Variants in WNT7B observed in about 807,000 individuals in gnomAD.
The protein encoded by WNT7B is protein Wnt-7b.
Under a neutral mutation model 38.2 loss-of-function variants are expected in WNT7B, and 19 were observed. The ratio of observed to expected loss-of-function variants is 0.50; its 90% CI spans 0.35 to 0.73. The LOEUF (loss-of-function observed/expected upper bound fraction) is 0.73. WNT7B is among the 30% of genes least tolerant of loss of function. The probability of loss-of-function intolerance (pLI) is 0.01; values close to 1 mark genes in which losing one functional copy is unlikely to be tolerated. For synonymous variants in WNT7B, 243 were observed against 209.3 expected (o/e 1.16, Z -1.39); for missense variants, 423 against 507.9 (o/e 0.83, Z 1.61).
intron 2 of WNT7B, among the ~76,000 whole-genome samples, chr22:45,933,762 T>C (rs909904420): frequency 6.6e-6 from 1 of 152,004 alleles, no homozygotes; most frequent in African/African-American, 2.4e-5. Flanking sequence ...GTGTGTGTGG[T>C]GTATGTGTGG....
chr22:45,935,808 A>G, intron 2 of WNT7B: 1 of 985,234 alleles, frequency 1.0e-6, no homozygotes, highest in Non-Finnish European at 1.2e-6. Flanking sequence ...AGGGATTTGC[A>G]ATAGGCCCAT....
chr22:45,940,014 G>C (rs1179512202), intron 2 of WNT7B, among the ~76,000 whole-genome samples: 2 of 152,124 alleles, frequency 1.3e-5, no homozygotes, highest in African/African-American at 4.8e-5. Flanking sequence ...TTCTTTCTGG[G>C]GTGATGAAAA....
chr22:45,935,312 C>T (rs1272055681), intron 2 of WNT7B, among the ~76,000 whole-genome samples: 1 of 152,218 alleles, frequency 6.6e-6, no homozygotes, highest in Non-Finnish European at 1.5e-5. Flanking sequence ...TTGGCCTGGC[C>T]CCCAAGGCCC....
Position 45,931,144 on chromosome 22 carries a change from T to G in WNT7B, c.524A>C (p.Asn175Thr). The G allele has an allele frequency of 6.3e-7, 1 of 1,594,308 alleles. No homozygotes were observed. The highest frequency in any genetic ancestry group is 2.2e-5 in the East Asian group (1 of 44,662). Reference protein sequence around the residue: ...RFVDAREIKKNARRLMNLHNN... With the variant: ...RFVDAREIKKTARRLMNLHNN... Reference sequence around the variant, plus strand: ...ATGCAGGTTCATGAGGCGCCGCGCGTTCTTCTTGATCTCCCGAGCGTCCAC... The same window carrying G: ...ATGCAGGTTCATGAGGCGCCGCGCGGTCTTCTTGATCTCCCGAGCGTCCAC... Residue 175 changes from asparagine (N) to threonine (T), a missense_variant, in exon 3 of 4, where the codon AAC becomes ACC. By Grantham distance (65) the Asn-to-Thr change is moderately conservative (BLOSUM62 0). Coordinates refer to ENST00000339464, the MANE Select transcript of WNT7B (RefSeq NM_058238.3).
intron 3 of WNT7B, chr22:45,925,958 G>C: frequency 1.0e-6 from 1 of 985,282 alleles, no homozygotes. Flanking sequence ...ACTGTGCCCT[G>C]TATCCCTCCC....
At chr22:45,945,754 C>T (rs1478886889) in intron 2 of WNT7B, among the ~76,000 whole-genome samples, 1 of 152,238 alleles carries the variant, frequency 6.6e-6, no homozygotes, top group Non-Finnish European at 1.5e-5. Flanking sequence ...GAGATGGGTC[C>T]CTTGGCCCCT....
rs1380015464 is a variant in WNT7B, at chr22:45,923,027, G to A, written c.879C>T (p.Leu293=). 5 of 1,612,754 alleles carry A rather than the reference G, an allele frequency of 3.1e-6. No homozygotes were observed. The African/African-American group carries it at 4.0e-5, about 13-fold the overall frequency. The change falls in exon 4 of 4, where the codon CTC becomes CTT. Residue 293 remains leucine, a synonymous_variant. Transcript: ENST00000339464. ...CCGCGCCGGGCGACGTGCGGTTGCA[G>A]AGACGGCCCTGCGTGCCCACGCTGC... ...ATGSVGTQGR[L]CNRTSPGADG... is the part of the protein sequence containing the mutation.
Position 45,922,607 on chromosome 22 carries a change from C to G in WNT7B, c.*249G>C. The G allele has an allele frequency of 1.7e-6, 1 of 577,566 alleles. No homozygotes were observed. Among genetic ancestry groups the G allele is most frequent in the South Asian group, 2.5e-5 (1 of 39,500 alleles). The allele number at this position is 577,566 out of a possible 1,614,324, so 35.8% of individuals were successfully genotyped here. On this transcript the variant is annotated 3_prime_UTR_variant, in exon 4 of 4. Transcript: ENST00000339464. ...CGTCGGGGAGCACCAAGACCCCTGG[C>G]CTTGCTCTCTGGGTGGGTCACGGGT...
chr22:45,933,881 G>A (rs1421031636), intron 2 of WNT7B, among the ~76,000 whole-genome samples: 4 of 152,204 alleles, frequency 2.6e-5, no homozygotes, highest in East Asian at 3.9e-4. Context: ...AGAATGTCTC[G>A]CAAGCAGGTG....
At chr22:45,943,437 G>T (rs1304881004) in intron 2 of WNT7B, among the ~76,000 whole-genome samples, 2 of 152,254 alleles carry the variant, frequency 1.3e-5, no homozygotes, top group African/African-American at 4.8e-5. Flanking sequence ...CTCCGAGTGG[G>T]AAGGACCTGG....
At chr22:45,932,418 C>G (rs917260171) in intron 2 of WNT7B, among the ~76,000 whole-genome samples, 2 of 149,870 alleles carry the variant, frequency 1.3e-5, no homozygotes, top group South Asian at 2.1e-4. Flanking sequence ...CTTCCCAGAC[C>G]CCCCCCGCCA....
intron 1 of WNT7B, among the ~76,000 whole-genome samples, chr22:45,971,462 C>T (rs1932436484): frequency 6.6e-6 from 1 of 152,230 alleles, no homozygotes; most frequent in Non-Finnish European, 1.5e-5. Flanking sequence ...TTCTCAGAGC[C>T]CCGTGGGCTC....
In WNT7B at chr22:45,931,152, G is replaced by A. The variant is rs1023553992; in HGVS notation, c.516C>T (p.Ile172=). ...FSRRFVDARE[I]KKNARRLMNL... is the part of the protein sequence containing the mutation. ...TCATGAGGCGCCGCGCGTTCTTCTTGATCTCCCGAGCGTCCACGAAGCGCC... is the reference window on the plus strand; with the variant it reads ...TCATGAGGCGCCGCGCGTTCTTCTTAATCTCCCGAGCGTCCACGAAGCGCC... The change falls in exon 3 of 4, where the codon ATC becomes ATT. Residue 172 remains isoleucine, a synonymous_variant. Transcript: ENST00000339464. 6.3e-7 allele frequency: 1 copy of A among 1,595,592 alleles called. No individual in the cohort carries two copies. Among genetic ancestry groups the A allele is most frequent in the Non-Finnish European group, 8.5e-7 (1 of 1,176,094 alleles).
intron 2 of WNT7B, among the ~76,000 whole-genome samples, chr22:45,937,675 G>A (rs891549364): frequency 6.6e-6 from 1 of 152,230 alleles, no homozygotes; most frequent in African/African-American, 2.4e-5. Flanking sequence ...GGCCCACACA[G>A]TTCAATTCTC....
At chr22:45,953,147 ACAGCCACCGTGTCCG>A (rs1931974874) in intron 1 of WNT7B, among the ~76,000 whole-genome samples, 1 of 55,046 alleles carries the variant, frequency 1.8e-5, no homozygotes, top group African/African-American at 9.6e-5. Context: ...GCTTCCCCTC[ACAGCCACCGTGTCCG>A]TGCCCGGCTT....
At chr22:45,961,754 G>C (rs1932201537) in intron 1 of WNT7B, among the ~76,000 whole-genome samples, 1 of 152,212 alleles carries the variant, frequency 6.6e-6, no homozygotes, top group Admixed American at 6.5e-5. Flanking sequence ...GTAGTGAGGG[G>C]CTGAGGTGAC....
At position 45,927,625 on chromosome 22, in the gene WNT7B, G is replaced by A; in HGVS notation, c.570+3473C>T. The A allele has an allele frequency of 6.0e-6, 5 of 827,412 alleles. No individual in the cohort carries two copies. In the East Asian group the frequency reaches 1.1e-4, roughly 18 times the overall value. The allele number at this position is 827,412 out of a possible 1,614,324, so 51.3% of individuals were successfully genotyped here. ...AAGAGATGGAACAGGGCCAGGTGCAGTGGCTCACACCTGTAATCCAAGCAC... is the reference window on the plus strand; with the variant it reads ...AAGAGATGGAACAGGGCCAGGTGCAATGGCTCACACCTGTAATCCAAGCAC... On this transcript the variant is annotated intron_variant, in intron 3 of 3. Coordinates refer to ENST00000339464, the MANE Select transcript of WNT7B (RefSeq NM_058238.3).
chr22:45,957,392 A>C (rs959744690), intron 1 of WNT7B, among the ~76,000 whole-genome samples: 1 of 151,566 alleles, frequency 6.6e-6, no homozygotes, highest in Admixed American at 6.6e-5. Flanking sequence ...TAATTAAAAT[A>C]CAGAAAACAG....
intron 2 of WNT7B, among the ~76,000 whole-genome samples, chr22:45,943,356 C>G (rs113696699): frequency 6.6e-6 from 1 of 152,248 alleles, no homozygotes; most frequent in Admixed American, 6.5e-5. Flanking sequence ...CCCGTGCGCC[C>G]GAGGCCTTTG....
Sources: allele counts gnomAD v4.1 joint callset (sites outside exome capture counted in the v4.1 genomes callset), GRCh38; gene constraint gnomAD v4.1.1; transcripts MANE v1.5; gene names NCBI Gene and HGNC (gene_info 2026-07-23, HGNC 2026-07-21).